The following AGAP3 variants were observed in gnomAD, a reference collection of about 807,000 sequenced individuals.
The protein encoded by AGAP3 is ArfGAP with GTPase domain, ankyrin repeat and PH domain 3, also known as arf-GAP with GTPase, ANK repeat and PH domain-containing protein 3.
A neutral mutation model predicts 96.9 loss-of-function variants in AGAP3; 24 were observed. The ratio of observed to expected loss-of-function variants is 0.25; its 90% CI spans 0.18 to 0.35. The LOEUF (loss-of-function observed/expected upper bound fraction) is 0.35, where lower values mean the gene tolerates loss of function less well. Ranked by LOEUF, AGAP3 falls within the 10% of genes least tolerant of loss-of-function variation. AGAP3 has a pLI of 1.00. For synonymous variants in AGAP3, 563 were observed against 536.1 expected (o/e 1.05, Z -0.69); for missense variants, 876 against 1,254.2 (o/e 0.70, Z 4.55).
At chr7:151,120,230 G>T in intron 8 of AGAP3, 85 bp downstream of exon 8, 1 of 1,422,578 alleles carries the variant, frequency 7.0e-7, no homozygotes, top group Non-Finnish European at 9.6e-7. Context: ...GGAGGGGCGT[G>T]GGCAGCCCCA....
intron 1 of AGAP3, among the ~76,000 whole-genome samples, chr7:151,112,536 C>G (rs1355888661): frequency 6.6e-6 from 1 of 151,980 alleles, no homozygotes; most frequent in Non-Finnish European, 1.5e-5. Context: ...CATCCCCTGT[C>G]GGATACCGTG....
Position 151,114,860 on chromosome 7 carries a change from C to T in AGAP3, c.332-1933C>T. The T allele has an allele frequency of 2.9e-6, 3 of 1,035,170 alleles. No individual in the cohort carries two copies. The highest frequency in any genetic ancestry group is 3.5e-6 in the Non-Finnish European group (3 of 863,776). 64.1% of individuals were successfully genotyped at this position (1,035,170 alleles called of 1,614,324 possible). A position where few individuals can be genotyped will look rare whatever the true frequency, so the allele number is the denominator to read the frequency against. On this transcript the variant is annotated intron_variant, in intron 1 of 17. Transcript: ENST00000397238. This position sits in a 1 kb window ranked among gnomAD's most constrained non-coding sequence, Gnocchi z 4.4. ...CCCACAGCGTCTGCGACTCGCTGGA[C>T]CTGCACGGCGCCTCGGCCGGCCGCG...
chr7:151,119,854 T>C (rs1351487806), intron 7 of AGAP3, 133 bp from the exon 8 acceptor site: 2 of 747,026 alleles, frequency 2.7e-6, no homozygotes, highest in East Asian at 5.5e-5. Context: ...ATATCATCTG[T>C]AGGGGCTAGT....
intron 8 of AGAP3, among the ~76,000 whole-genome samples, chr7:151,121,499 C>T (rs544257362): frequency 1.2e-4 from 18 of 152,226 alleles, no homozygotes; most frequent in Middle Eastern, 3.4e-3. Context: ...TTAATCTCCC[C>T]TTCCCCTCGT....
intron 8 of AGAP3, chr7:151,122,984 G>A (rs541809741): frequency 7.0e-7 from 1 of 1,424,336 alleles, no homozygotes; most frequent in African/African-American, 1.4e-5. Context: ...GGCTGCCGGG[G>A]ACCAGGCCCG....
rs753380264 is a variant in AGAP3, at chr7:151,087,343, G to C, written c.331+271G>C. On this transcript the variant is annotated intron_variant, in intron 1 of 17. Transcript: ENST00000397238. ...GCTTGGGGGGGCCGGGACCAGATCT[G>C]TCCAGGCCTGGCCGGGGAAGGTGGG... is the stretch of plus-strand genomic sequence containing the variant. 2.5e-4 allele frequency: 118 copies of C among 474,062 alleles called. 1 individual carries two copies. Among genetic ancestry groups the C allele is most frequent in the Admixed American group, 5.4e-4 (15 of 27,674 alleles). The allele number at this position is 474,062 out of a possible 1,614,324, so 29.4% of individuals were successfully genotyped here.
In AGAP3 at chr7:151,114,094, G is replaced by C. The variant is rs149107111; in HGVS notation, c.332-2699G>C. 6.6e-6 allele frequency among the ~76,000 whole-genome samples: 1 copy of C among 152,128 alleles called. No homozygotes were observed. The highest frequency in any genetic ancestry group is 1.5e-5 in the Non-Finnish European group (1 of 68,026). On this transcript the variant is annotated intron_variant, in intron 1 of 17. Coordinates refer to ENST00000397238, the MANE Select transcript of AGAP3 (RefSeq NM_031946.7). The surrounding 1 kb of genome is among the most constrained non-coding windows in gnomAD (Gnocchi z 4.4). ...CGCTTAACTCAGTCCAGACAGATGA[G>C]TATCTTCTGGATTTTATAATCTCCA...
At chr7:151,112,484 C>T (rs2150447741) in intron 1 of AGAP3, among the ~76,000 whole-genome samples, 1 of 151,312 alleles carries the variant, frequency 6.6e-6, no homozygotes, top group South Asian at 2.1e-4. Flanking sequence ...TCCCATCCTA[C>T]TGTTCTCCCA....
chr7:151,097,717 C>T (rs1798666614), intron 1 of AGAP3, among the ~76,000 whole-genome samples: 1 of 151,902 alleles, frequency 6.6e-6, no homozygotes, highest in Admixed American at 6.6e-5. Flanking sequence ...CACTCTTCAA[C>T]AGCCGCAGTG....
In AGAP3 at chr7:151,117,124, G is replaced by A; in HGVS notation, c.420G>A (p.Lys140=). The A allele has an allele frequency of 2.5e-6, 4 of 1,614,144 alleles. No individual in the cohort carries two copies. In the South Asian group the frequency reaches 4.4e-5, roughly 18 times the overall value. ...TAGTGGGGAACCTGTCTAGCGGGAA[G>A]TCAGCCCTGGTGCACCGCTATCTGA... ...VGIVGNLSSG[K]SALVHRYLTG... Residue 140 remains lysine (K), a synonymous_variant, in exon 3 of 18, where the codon AAG becomes AAA. Transcript: ENST00000397238.
At chr7:151,129,539 G>A (rs1800318747) in intron 10 of AGAP3, among the ~76,000 whole-genome samples, 1 of 152,192 alleles carries the variant, frequency 6.6e-6, no homozygotes. Flanking sequence ...CCATCCTCAG[G>A]CAATGGTCCT....
In AGAP3 at chr7:151,114,865, A is replaced by G; in HGVS notation, c.332-1928A>G. ...AGCGTCTGCGACTCGCTGGACCTGCACGGCGCCTCGGCCGGCCGCGCTGCC... is the reference window on the plus strand; with the variant it reads ...AGCGTCTGCGACTCGCTGGACCTGCGCGGCGCCTCGGCCGGCCGCGCTGCC... On this transcript the variant is annotated intron_variant, in intron 1 of 17. Transcript: ENST00000397238. This position sits in a 1 kb window ranked among gnomAD's most constrained non-coding sequence, Gnocchi z 4.4. The G allele has an allele frequency of 9.7e-7, 1 of 1,027,540 alleles. No individual in the cohort carries two copies. 63.7% of individuals were successfully genotyped at this position (1,027,540 alleles called of 1,614,324 possible). A position where few individuals can be genotyped will look rare whatever the true frequency, so the allele number is the denominator to read the frequency against.
At position 151,117,365 on chromosome 7, in the gene AGAP3, T is replaced by C; in HGVS notation, c.479-6T>C. The C allele has an allele frequency of 6.2e-7, 1 of 1,614,084 alleles. No homozygotes were observed. The highest frequency in any genetic ancestry group is 8.5e-7 in the Non-Finnish European group (1 of 1,179,972). Reference sequence around the variant, plus strand: ...ACTTTGGACCTGACTGCGCGCTCTGTCCTAGGGGGGCGGTTTAAGAAGGAG... The same window carrying C: ...ACTTTGGACCTGACTGCGCGCTCTGCCCTAGGGGGGCGGTTTAAGAAGGAG... On this transcript the variant is annotated splice_polypyrimidine_tract_variant and splice_region_variant and intron_variant, in intron 3 of 17. Coordinates refer to ENST00000397238, the MANE Select transcript of AGAP3 (RefSeq NM_031946.7).
intron 1 of AGAP3, chr7:151,089,952 C>A (rs1355733799): frequency 6.6e-6 from 1 of 152,080 alleles, no homozygotes; most frequent in Non-Finnish European, 1.5e-5. Context: ...AACAGGAGCC[C>A]GCTTCCGGCT....
chr7:151,107,399 A>G (rs1799102259), intron 1 of AGAP3, among the ~76,000 whole-genome samples: 1 of 151,738 alleles, frequency 6.6e-6, no homozygotes, highest in Admixed American at 6.6e-5. Context: ...CAAGGCAGGC[A>G]GATTGCTTGA....
chr7:151,087,129 C>T (rs1282672917), intron 1 of AGAP3, 57 bp downstream of exon 1: 2 of 1,528,710 alleles, frequency 1.3e-6, no homozygotes, highest in Non-Finnish European at 1.8e-6. Flanking sequence ...CGGCGCCGGC[C>T]GAGGGCTCCA....
At chr7:151,112,891 G>A (rs1255619885) in intron 1 of AGAP3, among the ~76,000 whole-genome samples, 2 of 151,444 alleles carry the variant, frequency 1.3e-5, no homozygotes, top group Non-Finnish European at 2.9e-5. Context: ...CGCGAGACAC[G>A]GTGCCTAATT....
Position 151,118,716 on chromosome 7 carries a change from C to T in AGAP3, c.969+84C>T, listed in dbSNP as rs1348304014. ...GCGTCCTGCCACTTCTGCTGGCCTC[C>T]TGCTCACACCTGTCCACCTTCCTCT... On this transcript the variant is annotated intron_variant, in intron 7 of 17. Transcript: ENST00000397238. This position sits in a 1 kb window ranked among gnomAD's most constrained non-coding sequence, Gnocchi z 6.1. 2 of 1,518,288 alleles carry T rather than the reference C, an allele frequency of 1.3e-6. No individual in the cohort carries two copies. The highest frequency in any genetic ancestry group is 2.3e-5 in the South Asian group (2 of 85,320). 94.1% of individuals were successfully genotyped at this position (1,518,288 alleles called of 1,614,324 possible). A position where few individuals can be genotyped will look rare whatever the true frequency, so the allele number is the denominator to read the frequency against.
chr7:151,133,204 A>C lies in AGAP3; in HGVS notation c.1327-1196A>C, dbSNP rs116248655. On this transcript the variant is annotated intron_variant, in intron 10 of 17. Transcript: ENST00000397238. The surrounding 1 kb of genome is among the most constrained non-coding windows in gnomAD (Gnocchi z 5.4). ...TTCTCTCAGGAAGGGGCATAGACCC[A>C]TGGAGAGGAATTTGTGCCACTTTAC... 0.019 allele frequency among the ~76,000 whole-genome samples: 2,911 copies of C among 152,342 alleles called. 99 individuals carry two copies. The highest frequency in any genetic ancestry group is 0.064 in the African/African-American group (2,654 of 41,566).
Sources: allele counts gnomAD v4.1 joint callset (sites outside exome capture counted in the v4.1 genomes callset), GRCh38; gene constraint gnomAD v4.1.1; non-coding constraint Gnocchi (gnomAD v3.1); transcripts MANE v1.5; gene names NCBI Gene and HGNC (gene_info 2026-07-23, HGNC 2026-07-21).